The following MFSD11 variants were observed in gnomAD, a reference collection of about 807,000 sequenced individuals.
The protein encoded by MFSD11 is UNC93-like protein MFSD11.
In MFSD11, 36 loss-of-function variants were observed where a neutral mutation model predicts 53.5. That is an observed-to-expected ratio of 0.67 (90% CI 0.52 to 0.89). The LOEUF is 0.89. Ranked by LOEUF, MFSD11 falls within the 40% of genes least tolerant of loss-of-function variation. The pLI is 0.00. For synonymous variants in MFSD11, 186 were observed against 184.9 expected (o/e 1.01, Z -0.05); for missense variants, 530 against 543.9 (o/e 0.97, Z 0.25).
rs760147259 is a variant in MFSD11, at chr17:76,778,380, A to AC, written c.*30dup. 7 of 1,610,296 alleles carry AC rather than the reference A, an allele frequency of 4.3e-6. No homozygotes were observed. The African/African-American group carries it at 9.3e-5, about 21-fold the overall frequency. On this transcript the variant is annotated 3_prime_UTR_variant, in exon 13 of 13. Transcript: ENST00000685175. ...TGGTGTCCGTGAGGGGACACGTATG[A>AC]CCTCAGAAACACAGCTGGACACAGA...
At chr17:76,738,897 C>T in intron 1 of MFSD11, 41 bp from the exon 2 acceptor site, 3 of 1,559,874 alleles carry the variant, frequency 1.9e-6, no homozygotes, top group Non-Finnish European at 1.8e-6. Context: ...GGGAGGGAGA[C>T]TGCAAAACAT....
chr17:76,778,511 GT>G lies in MFSD11; in HGVS notation c.*162del. 1.5e-6 allele frequency: 1 copy of G among 647,608 alleles called. No individual in the cohort carries two copies. The highest frequency in any genetic ancestry group is 2.6e-6 in the Non-Finnish European group (1 of 388,592). The allele number at this position is 647,608 out of a possible 1,614,324, so 40.1% of individuals were successfully genotyped here. On this transcript the variant is annotated 3_prime_UTR_variant, in exon 13 of 13. Transcript: ENST00000685175. ...TAAATCAGCCAGAGTTGGTGTTCAAGTTTACAGATATGAGTTATTTAAAGCA... is the reference window on the plus strand; with the variant it reads ...TAAATCAGCCAGAGTTGGTGTTCAAGTTACAGATATGAGTTATTTAAAGCA...
the MFSD11 span, among the ~76,000 whole-genome samples, chr17:76,790,759 G>A: frequency 6.8e-6 from 1 of 146,466 alleles, no homozygotes; most frequent in Non-Finnish European, 1.5e-5. Context: ...GGCCAAAATG[G>A]TGAAACCCCA....
chr17:76,744,827 G>A (rs2144200219), intron 7 of MFSD11, among the ~76,000 whole-genome samples: 1 of 152,336 alleles, frequency 6.6e-6, no homozygotes, highest in South Asian at 2.1e-4. Context: ...CTTGGTTACT[G>A]TTTCTGTGAT....
intron 2 of MFSD11, among the ~76,000 whole-genome samples, chr17:76,739,205 G>A (rs948752620): frequency 1.3e-5 from 2 of 152,158 alleles, no homozygotes; most frequent in Non-Finnish European, 2.9e-5. Context: ...GACTCTACAA[G>A]GTATTTATTG....
At chr17:76,790,797 G>A in the MFSD11 span, among the ~76,000 whole-genome samples, 13 of 137,882 alleles carry the variant, frequency 9.4e-5, 2 homozygotes, top group South Asian at 4.6e-4. Flanking sequence ...AAAATTAGCC[G>A]GGCGTGGTGG....
chr17:76,760,954 C>G (rs974718296), intron 8 of MFSD11, among the ~76,000 whole-genome samples: 2 of 151,986 alleles, frequency 1.3e-5, no homozygotes, highest in Admixed American at 1.3e-4. Flanking sequence ...GCCTGTAATC[C>G]CAGCACTTTG....
At position 76,743,450 on chromosome 17, in the gene MFSD11, A is replaced by C. The variant is rs758948302; in HGVS notation, c.490A>C (p.Ile164Leu). The C allele has an allele frequency of 6.4e-7, 1 of 1,573,986 alleles. No individual in the cohort carries two copies. The highest frequency in any genetic ancestry group is 1.9e-5 in the Admixed American group (1 of 53,886). The change falls in exon 6 of 13, where the codon ATA (isoleucine) becomes CTA (leucine). Residue 164 changes from isoleucine to leucine, a missense_variant. Physicochemically the swap from Ile to Leu is conservative, Grantham distance 5. Coordinates refer to ENST00000685175, the MANE Select transcript of MFSD11 (RefSeq NM_001242532.5). ...TTTTGCCTGGCAAGGGAAAACTCAGATATCAGGTTTGTTTTATTCGCGTTG... is the reference window on the plus strand; with the variant it reads ...TTTTGCCTGGCAAGGGAAAACTCAGCTATCAGGTTTGTTTTATTCGCGTTG... ...IYFAWQGKTQISESDRRTVFI... is the reference protein window; with the variant it reads ...IYFAWQGKTQLSESDRRTVFI...
chr17:76,777,321 A>C (rs1037093055), intron 12 of MFSD11, among the ~76,000 whole-genome samples: 15 of 151,614 alleles, frequency 9.9e-5, no homozygotes, highest in Middle Eastern at 7.0e-3. Flanking sequence ...ACTGGAGTGC[A>C]GTGGCACGAT....
chr17:76,750,807 C>CT (rs869278745), intron 7 of MFSD11, among the ~76,000 whole-genome samples: 210 of 137,948 alleles, frequency 1.5e-3, no homozygotes, highest in South Asian at 6.0e-3. Context: ...GAAATGTAAT[C>CT]TTTTTTTTTT....
chr17:76,774,017 C>A (rs1206344608), intron 10 of MFSD11, among the ~76,000 whole-genome samples: 1 of 152,062 alleles, frequency 6.6e-6, no homozygotes, highest in African/African-American at 2.4e-5. Context: ...CATCTGCCCC[C>A]TGGGTTCAAG....
the MFSD11 span, among the ~76,000 whole-genome samples, chr17:76,787,552 T>C: frequency 1.3e-5 from 2 of 150,560 alleles, no homozygotes; most frequent in South Asian, 4.3e-4. Flanking sequence ...TGTCTAGTTC[T>C]GTTACTTTTG....
In MFSD11 at chr17:76,740,977, T is replaced by G; in HGVS notation, c.173T>G (p.Val58Gly). 6.2e-7 allele frequency: 1 copy of G among 1,609,234 alleles called. No homozygotes were observed. Among genetic ancestry groups the G allele is most frequent in the South Asian group, 1.1e-5 (1 of 90,960 alleles). Residue 58 changes from valine (V) to glycine (G), a missense_variant, in exon 3 of 13, where the codon GTG becomes GGG. Physicochemically the swap from Val to Gly is moderately radical, Grantham distance 109. Coordinates refer to ENST00000685175, the MANE Select transcript of MFSD11 (RefSeq NM_001242532.5). ...TGCAGCATGGCTATTATCTATGGAGTGTTCTCTGCTTCAAATTTGATTACA... is the reference window on the plus strand; with the variant it reads ...TGCAGCATGGCTATTATCTATGGAGGGTTCTCTGCTTCAAATTTGATTACA... ...GYTSMAIIYG[V>G]FSASNLITPS...
intron 7 of MFSD11, among the ~76,000 whole-genome samples, chr17:76,747,578 C>T (rs2078666258): frequency 6.6e-6 from 1 of 152,044 alleles, no homozygotes; most frequent in South Asian, 2.1e-4. Context: ...CGTGATCCAC[C>T]CGCCTTGGCC....
At chr17:76,753,181 G>A (rs1461437429) in intron 7 of MFSD11, among the ~76,000 whole-genome samples, 2 of 152,178 alleles carry the variant, frequency 1.3e-5, no homozygotes, top group African/African-American at 4.8e-5. Flanking sequence ...CTTGGTTCTC[G>A]ATACCCAAAC....
chr17:76,801,261 C>A, the MFSD11 span, among the ~76,000 whole-genome samples: 3 of 147,966 alleles, frequency 2.0e-5, no homozygotes, highest in Non-Finnish European at 4.4e-5. Flanking sequence ...AGCTTGGTAG[C>A]ATGCACCTGT....
chr17:76,799,954 C>CTTTTTTTTT, the MFSD11 span, among the ~76,000 whole-genome samples: 13 of 87,314 alleles, frequency 1.5e-4, no homozygotes, highest in African/African-American at 5.0e-4. Flanking sequence ...TTTTCTTTTT[C>CTTTTTTTTT]CTTTTTTTTT....
At chr17:76,751,041 T>G (rs1057348551) in intron 7 of MFSD11, among the ~76,000 whole-genome samples, 4 of 151,718 alleles carry the variant, frequency 2.6e-5, no homozygotes, top group African/African-American at 9.7e-5. Flanking sequence ...CCTCAAGTGA[T>G]CCACCCGCCT....
intron 8 of MFSD11, among the ~76,000 whole-genome samples, chr17:76,764,885 A>G (rs890842551): frequency 1.3e-5 from 2 of 152,124 alleles, no homozygotes; most frequent in Non-Finnish European, 2.9e-5. Flanking sequence ...ATCCTCACCA[A>G]TAGCGTACAA....
Sources: gnomAD v4.1 joint callset for allele counts (sites outside exome capture counted in the v4.1 genomes callset) on GRCh38, gnomAD v4.1.1 for gene constraint, MANE v1.5 for transcripts, NCBI Gene and HGNC (gene_info 2026-07-23, HGNC 2026-07-21) for gene names.